Variants in FHIT observed in about 807,000 individuals in gnomAD.
The protein encoded by FHIT is fragile histidine triad diadenosine triphosphatase, also known as bis(5'-adenosyl)-triphosphatase.
Under a neutral mutation model 17.9 loss-of-function variants are expected in FHIT, and 19 were observed. The observed-to-expected ratio is 1.06, with a 90% CI of 0.74 to 1.56. The LOEUF (loss-of-function observed/expected upper bound fraction) is 1.56. Ranked by LOEUF, FHIT falls within the 40% of genes most tolerant of loss-of-function variation. The pLI is 0.00. For synonymous variants in FHIT, 81 were observed against 69.7 expected (o/e 1.16, Z -0.81); for missense variants, 248 against 189.2 (o/e 1.31, Z -1.82).
At chr3:61,096,196 A>C (rs541810092) in intron 2 of FHIT, among the ~76,000 whole-genome samples, 1 of 152,350 alleles carries the variant, frequency 6.6e-6, no homozygotes, top group East Asian at 1.9e-4. Flanking sequence ...CAAGGAAGTT[A>C]CAGCAGGCAC....
In FHIT at chr3:60,937,287, G is replaced by C. The variant is rs537371489; in HGVS notation, c.-111+104760C>G. ...TGATCTTTGATTTGGGGCTGTATTTGGTCAGTAACTTTTGCCTACTAGGAG... is the reference window on the plus strand; with the variant it reads ...TGATCTTTGATTTGGGGCTGTATTTCGTCAGTAACTTTTGCCTACTAGGAG... On this transcript the variant is annotated intron_variant, in intron 3 of 9. Coordinates refer to ENST00000492590, the MANE Select transcript of FHIT (RefSeq NM_002012.4). 1.2e-4 allele frequency among the ~76,000 whole-genome samples: 19 copies of C among 152,264 alleles called. No homozygotes were observed. In the South Asian group the frequency reaches 1.9e-3, roughly 15 times the overall value.
At chr3:59,976,381 A>G (rs911828673) in intron 7 of FHIT, among the ~76,000 whole-genome samples, 1 of 152,104 alleles carries the variant, frequency 6.6e-6, no homozygotes, top group African/African-American at 2.4e-5. Context: ...AAATCAGCAT[A>G]CTTTTCAAAT....
intron 5 of FHIT, among the ~76,000 whole-genome samples, chr3:60,502,497 G>A (rs76451861): frequency 0.013 from 1,930 of 152,178 alleles, 46 homozygotes; most frequent in African/African-American, 0.044. Flanking sequence ...CTTTTCTTGC[G>A]GGTTTAGGTC....
chr3:59,932,824 G>A (rs1706042853), intron 7 of FHIT, among the ~76,000 whole-genome samples: 2 of 152,108 alleles, frequency 1.3e-5, no homozygotes, highest in African/African-American at 4.8e-5. Flanking sequence ...AAGAATAAGA[G>A]TAGTTACTGC....
At chr3:60,378,185 C>G (rs1300819311) in intron 5 of FHIT, among the ~76,000 whole-genome samples, 1 of 151,646 alleles carries the variant, frequency 6.6e-6, no homozygotes, top group South Asian at 2.1e-4. Context: ...TGCCACTATG[C>G]CCGGCTAATT....
chr3:59,864,085 G>T (rs1702525702), intron 8 of FHIT, among the ~76,000 whole-genome samples: 1 of 152,148 alleles, frequency 6.6e-6, no homozygotes, highest in East Asian at 1.9e-4. Flanking sequence ...ATCGCAGATG[G>T]CAGACAGTGA....
At chr3:60,733,158 T>C (rs1258225345) in intron 4 of FHIT, among the ~76,000 whole-genome samples, 3 of 152,166 alleles carry the variant, frequency 2.0e-5, no homozygotes, top group Admixed American at 6.5e-5. Flanking sequence ...GACTTCAGTG[T>C]TGGGAGACTG....
chr3:60,833,227 C>G (rs571239948), intron 3 of FHIT, among the ~76,000 whole-genome samples: 1 of 152,146 alleles, frequency 6.6e-6, no homozygotes, highest in Non-Finnish European at 1.5e-5. Flanking sequence ...ACTCCAATCA[C>G]GAGCCCTGTA....
chr3:61,178,553 G>A (rs1162796697), intron 2 of FHIT, among the ~76,000 whole-genome samples: 1 of 760 alleles, frequency 1.3e-3, no homozygotes, highest in Non-Finnish European at 1.7e-3. Flanking sequence ...AAAAAACGTT[G>A]TAATTATAGG....
chr3:60,124,036 A>AGG (rs2107234002), intron 5 of FHIT, among the ~76,000 whole-genome samples: 1 of 119,088 alleles, frequency 8.4e-6, no homozygotes, highest in African/African-American at 3.3e-5. Context: ...AGAGAGAGAG[A>AGG]GAGAGAGAGA....
In FHIT at chr3:60,147,687, T is replaced by A. The variant is rs1037627241; in HGVS notation, c.104-133535A>T. 3.9e-5 allele frequency among the ~76,000 whole-genome samples: 6 copies of A among 152,142 alleles called. No homozygotes were observed. In the South Asian group the frequency reaches 1.0e-3, roughly 26 times the overall value. Reference sequence around the variant, plus strand: ...AAACAGCCAAGAAACCCTGAGCAAATTTTTTTCCCCCTAAGAATAAAGGAG... The same window carrying A: ...AAACAGCCAAGAAACCCTGAGCAAAATTTTTTCCCCCTAAGAATAAAGGAG... On this transcript the variant is annotated intron_variant, in intron 5 of 9. Coordinates refer to ENST00000492590, the MANE Select transcript of FHIT (RefSeq NM_002012.4).
chr3:60,800,317 T>C lies in FHIT; in HGVS notation c.-18+21602A>G, dbSNP rs544224897. Among the ~76,000 whole-genome samples, 12 of 152,362 alleles carry C rather than the reference T, an allele frequency of 7.9e-5. No homozygotes were observed. In the East Asian group the frequency reaches 2.3e-3, roughly 29 times the overall value. On this transcript the variant is annotated intron_variant, in intron 4 of 9. Transcript: ENST00000492590. ...CATTCACTTTAGTATCATCTTACGG[T>C]GCCTAATTCTTTCTAAATCTAAGTT...
chr3:60,725,465 C>T (rs2041898860), intron 4 of FHIT, among the ~76,000 whole-genome samples: 1 of 152,072 alleles, frequency 6.6e-6, no homozygotes, highest in Admixed American at 6.6e-5. Flanking sequence ...TTTTTGTATA[C>T]AGTGTGAGGT....
intron 4 of FHIT, among the ~76,000 whole-genome samples, chr3:60,565,966 G>C (rs1263827676): frequency 6.6e-6 from 1 of 152,048 alleles, no homozygotes; most frequent in African/African-American, 2.4e-5. Context: ...TTGTGTCTTT[G>C]TTCTCATTGG....
chr3:60,445,031 A>G (rs1345040676), intron 5 of FHIT, among the ~76,000 whole-genome samples: 7 of 152,150 alleles, frequency 4.6e-5, no homozygotes. Context: ...ATGGGGCACT[A>G]TGGCCTCACC....
At chr3:60,701,123 C>CTTT (rs11425787) in intron 4 of FHIT, among the ~76,000 whole-genome samples, 6 of 132,624 alleles carry the variant, frequency 4.5e-5, no homozygotes, top group Admixed American at 3.9e-4. Context: ...TGAAAAGACC[C>CTTT]TTTTTTTTTT....
intron 3 of FHIT, among the ~76,000 whole-genome samples, chr3:60,883,900 G>A (rs1383957024): frequency 6.6e-6 from 1 of 152,098 alleles, no homozygotes; most frequent in African/African-American, 2.4e-5. Flanking sequence ...TACAGCAAAG[G>A]AGACAATCAA....
At position 60,584,301 on chromosome 3, in the gene FHIT, CCT is replaced by C. The variant is rs372169810; in HGVS notation, c.-17-47324_-17-47323del. Among the ~76,000 whole-genome samples, 144 of 151,954 alleles carry C rather than the reference CCT, an allele frequency of 9.5e-4. 1 individual carries two copies. The highest frequency in any genetic ancestry group is 3.4e-3 in the African/African-American group (141 of 41,488). On this transcript the variant is annotated intron_variant, in intron 4 of 9. Transcript: ENST00000492590. The stretch of plus-strand genomic sequence containing the variant: ...GTGTTACAAATTAGGCTTTTTTTCC[CCT>C]CTGAGAGCAATTGTTAAACATTGGC...
intron 8 of FHIT, among the ~76,000 whole-genome samples, chr3:59,818,322 G>A (rs1222411581): frequency 1.3e-5 from 2 of 152,074 alleles, no homozygotes; most frequent in Admixed American, 6.5e-5. Flanking sequence ...CACAGCGTGT[G>A]CAAGGTTTGG....
Sources: gnomAD v4.1 joint callset for allele counts (sites outside exome capture counted in the v4.1 genomes callset) on GRCh38, gnomAD v4.1.1 for gene constraint, MANE v1.5 for transcripts, NCBI Gene and HGNC (gene_info 2026-07-23, HGNC 2026-07-21) for gene names.